The following FFAR1 variants were observed in gnomAD, a reference collection of about 807,000 sequenced individuals.
FFAR1 encodes the protein G-protein coupled receptor 40.
For synonymous variants in FFAR1, 216 were observed against 201.5 expected (o/e 1.07, Z -0.61); for missense variants, 424 against 396.2 (o/e 1.07, Z -0.60).
rs1398448818 is a variant in FFAR1 at position 35,351,700 on chromosome 19, G to A, written c.149G>A (p.Cys50Tyr). ...CTGGTCTACGCCCTGAACCTGGGCT[G>A]CTCCGACCTGCTGCTGACAGTCTCT... Residue 50 changes from cysteine to tyrosine, a missense_variant, in exon 1 of 1, where the codon TGC becomes TAC. By Grantham distance (194) the Cys-to-Tyr change is radical. Coordinates refer to ENST00000246553, the Ensembl canonical transcript of FFAR1. The A allele has an allele frequency of 4.5e-6, 7 of 1,563,446 alleles. No homozygotes were observed. The East Asian group carries it at 7.1e-5, about 16-fold the overall frequency.
chr19:35,349,398 T>C (rs2066935270), upstream of FFAR1, among the ~76,000 whole-genome samples: 1 of 152,192 alleles, frequency 6.6e-6, no homozygotes, highest in Non-Finnish European at 1.5e-5. Flanking sequence ...AGGGCTTCGC[T>C]CTTGCTGCAG....
At chr19:35,351,658 T>C in exon 1 of FFAR1, 1 of 1,552,436 alleles carries the variant, frequency 6.4e-7, no homozygotes, top group Non-Finnish European at 8.7e-7. Context: ...CACGCCCGGC[T>C]CCGTCTCACC....
At chr19:35,352,171 G>A (rs776047449) in exon 1 of FFAR1, 5 of 1,608,272 alleles carry the variant, frequency 3.1e-6, no homozygotes, top group Non-Finnish European at 3.4e-6. Context: ...GGCTGCCTCC[G>A]GGCACTGGCC....
rs778277031 is a variant in FFAR1 at position 35,351,799 on chromosome 19, C to T, written c.248C>T (p.Ala83Val). 32 of 1,599,258 alleles carry T rather than the reference C, an allele frequency of 2.0e-5. 1 individual carries two copies. The South Asian group carries it at 3.2e-4, about 16-fold the overall frequency. The change falls in exon 1 of 1, where the codon GCG becomes GTG. Residue 83 changes from alanine to valine, a missense_variant. By Grantham distance (64) the Ala-to-Val change is moderately conservative. Transcript: ENST00000246553. Reference sequence around the variant, plus strand: ...CCGGCCTCGCTGTGCCCCGTCTTCGCGGTGGCCCACTTCTTCCCACTCTAT... The same window carrying T: ...CCGGCCTCGCTGTGCCCCGTCTTCGTGGTGGCCCACTTCTTCCCACTCTAT...
chr19:35,348,373 C>T (rs1006310054), upstream of FFAR1, among the ~76,000 whole-genome samples: 12 of 152,194 alleles, frequency 7.9e-5, no homozygotes, highest in Non-Finnish European at 1.6e-4. Flanking sequence ...CCAAGGTGGG[C>T]AGATCACCTG....
At chr19:35,351,695 G>A in exon 1 of FFAR1, 1 of 1,563,782 alleles carries the variant, frequency 6.4e-7, no homozygotes. Flanking sequence ...CCCTGAACCT[G>A]GGCTGCTCCG....
chr19:35,351,783 C>G, exon 1 of FFAR1: 2 of 1,585,994 alleles, frequency 1.3e-6, no homozygotes, highest in Non-Finnish European at 1.7e-6. Context: ...GCCGGCCTCG[C>G]TGTGCCCCGT....
At chr19:35,352,284 G>T (rs1179145272) in exon 1 of FFAR1, 3 of 1,552,172 alleles carry the variant, frequency 1.9e-6, no homozygotes, top group South Asian at 1.2e-5. Flanking sequence ...CGCCTCCAAC[G>T]TGGCCAGCTT....
chr19:35,351,508 G>T, upstream of FFAR1: 1 of 1,530,704 alleles, frequency 6.5e-7, no homozygotes, highest in Non-Finnish European at 8.8e-7. Context: ...AGGACAGGGA[G>T]CCAGGTTGCA....
upstream of FFAR1, among the ~76,000 whole-genome samples, chr19:35,350,728 G>A (rs1329778474): frequency 3.3e-5 from 5 of 152,298 alleles, no homozygotes; most frequent in South Asian, 4.1e-4. Context: ...TCAGGCTAAT[G>A]GCCCTGTCAC....
chr19:35,348,324 C>T (rs886069719), upstream of FFAR1, among the ~76,000 whole-genome samples: 5 of 152,198 alleles, frequency 3.3e-5, no homozygotes, highest in African/African-American at 4.8e-5. Context: ...AAAGCCCAGG[C>T]GTGGTGGATC....
chr19:35,351,079 C>A (rs1205944063), upstream of FFAR1, among the ~76,000 whole-genome samples: 1 of 152,188 alleles, frequency 6.6e-6, no homozygotes, highest in African/African-American at 2.4e-5. Flanking sequence ...GGGGTGGGGG[C>A]AGCTCCTGCC....
At chr19:35,349,747 G>A (rs147640444), upstream of FFAR1, among the ~76,000 whole-genome samples, 2 of 152,222 alleles carry the variant, frequency 1.3e-5, no homozygotes, top group Admixed American at 1.3e-4. Flanking sequence ...ACCCATACAC[G>A]CCTGAGAAAA....
At position 35,351,900 on chromosome 19, in the gene FFAR1, T is replaced by G. The variant is rs1163581407; in HGVS notation, c.349T>G (p.Phe117Val). Residue 117 changes from phenylalanine to valine, a missense_variant, in exon 1 of 1, where the codon TTC becomes GTC. By Grantham distance (50) the Phe-to-Val change is conservative. Coordinates refer to ENST00000246553, the Ensembl canonical transcript of FFAR1. ...AGCCTTCCCCTTGGGCTACCAAGCC[T>G]TCCGGAGGCCGTGCTATTCCTGGGG... is the stretch of plus-strand genomic sequence containing the variant. 8 of 1,613,886 alleles carry G rather than the reference T, an allele frequency of 5.0e-6. No homozygotes were observed. In the Admixed American group the frequency reaches 1.3e-4, roughly 27 times the overall value.
At chr19:35,350,331 G>A (rs554211634), upstream of FFAR1, among the ~76,000 whole-genome samples, 4 of 152,330 alleles carry the variant, frequency 2.6e-5, no homozygotes, top group East Asian at 1.9e-4. Context: ...AACCGCACCC[G>A]GGTGTGATCA....
At chr19:35,348,720 C>T (rs2066931898), upstream of FFAR1, among the ~76,000 whole-genome samples, 1 of 152,170 alleles carries the variant, frequency 6.6e-6, no homozygotes, top group Non-Finnish European at 1.5e-5. Flanking sequence ...ATACTGAGCA[C>T]CTGGAAATGC....
chr19:35,349,002 CGTGAAGAGCAG>C (rs1260635257), upstream of FFAR1, among the ~76,000 whole-genome samples: 6 of 152,140 alleles, frequency 3.9e-5, no homozygotes, highest in Admixed American at 2.0e-4. Flanking sequence ...ATTGCTGAGG[CGTGAAGAGCAG>C]GTGAAGAGCA....
chr19:35,349,814 A>G (rs566708545), upstream of FFAR1, among the ~76,000 whole-genome samples: 27 of 152,324 alleles, frequency 1.8e-4, no homozygotes, highest in African/African-American at 6.3e-4. Flanking sequence ...AGACTGACAG[A>G]CAGACAGAAA....
chr19:35,349,869 C>T (rs1296798361), upstream of FFAR1, among the ~76,000 whole-genome samples: 4 of 152,198 alleles, frequency 2.6e-5, no homozygotes, highest in Non-Finnish European at 5.9e-5. Flanking sequence ...CAGAGCAGAG[C>T]TGGCTTCTCA....
Sources: gnomAD v4.1 joint callset for allele counts (sites outside exome capture counted in the v4.1 genomes callset) on GRCh38, gnomAD v4.1.1 for gene constraint, MANE v1.5 for transcripts, NCBI Gene and HGNC (gene_info 2026-07-23, HGNC 2026-07-21) for gene names.